The following ANKRD13A variants were observed in gnomAD, a reference collection of about 807,000 sequenced individuals.
ANKRD13A encodes ankyrin repeat domain 13A.
Under a neutral mutation model 81.3 loss-of-function variants are expected in ANKRD13A, and 48 were observed. The ratio of observed to expected loss-of-function variants is 0.59; its 90% confidence interval spans 0.47 to 0.75. ANKRD13A has a LOEUF of 0.75. Ranked by LOEUF, ANKRD13A falls within the 30% of genes least tolerant of loss-of-function variation. The probability of loss-of-function intolerance (pLI) is 0.00; values close to 1 mark genes in which losing one functional copy is unlikely to be tolerated. For synonymous variants in ANKRD13A, 230 were observed against 270.1 expected (o/e 0.85, Z 1.45); for missense variants, 612 against 734.0 (o/e 0.83, Z 1.92).
intron 3 of ANKRD13A, among the ~76,000 whole-genome samples, chr12:110,015,029 GC>G (rs1316779398): frequency 6.6e-6 from 1 of 152,122 alleles, no homozygotes; most frequent in Non-Finnish European, 1.5e-5. Context: ...GCCCGCCTCG[GC>G]CTCCCAAAGT....
chr12:110,025,868 T>C, intron 8 of ANKRD13A, 45 bp downstream of exon 8: 1 of 1,562,198 alleles, frequency 6.4e-7, no homozygotes, highest in East Asian at 2.2e-5. Flanking sequence ...TGTTATTTTT[T>C]AAGCCTAGAG....
intron 1 of ANKRD13A, among the ~76,000 whole-genome samples, chr12:110,001,882 CTTTTCT>C (rs927510298): frequency 2.0e-5 from 3 of 152,166 alleles, no homozygotes; most frequent in Admixed American, 2.0e-4. Flanking sequence ...CATTTAATTC[CTTTTCT>C]ATTACTAGAC....
At chr12:110,003,551 T>C (rs1890088981) in intron 1 of ANKRD13A, among the ~76,000 whole-genome samples, 1 of 152,168 alleles carries the variant, frequency 6.6e-6, no homozygotes, top group South Asian at 2.1e-4. Flanking sequence ...GGTGGTTGTC[T>C]GTGTTGAGAG....
Position 109,999,663 on chromosome 12 carries a change from G to A in ANKRD13A, c.-26G>A. 2 of 1,504,568 alleles carry A rather than the reference G, an allele frequency of 1.3e-6. No individual in the cohort carries two copies. The highest frequency in any genetic ancestry group is 1.8e-6 in the Non-Finnish European group (2 of 1,124,094). 93.2% of individuals were successfully genotyped at this position (1,504,568 alleles called of 1,614,324 possible). ...GGGGCCGAGACTTGGGGCGGGCGAC[G>A]AGGACCAGGTTACGGCCTCCTCGCC... On this transcript the variant is annotated 5_prime_UTR_variant, in exon 1 of 15. Transcript: ENST00000261739. This position sits in a 1 kb window ranked among gnomAD's most constrained non-coding sequence, Gnocchi z 4.3.
intron 1 of ANKRD13A, among the ~76,000 whole-genome samples, chr12:110,004,449 C>T (rs915499701): frequency 1.3e-5 from 2 of 151,766 alleles, no homozygotes; most frequent in African/African-American, 4.8e-5. Context: ...AACCCCGTCT[C>T]TACTAAAAAT....
In ANKRD13A at chr12:109,999,490, G is replaced by T. The variant is rs1889821122; in HGVS notation, c.-199G>T. 7.0e-6 allele frequency: 2 copies of T among 283,970 alleles called. No individual in the cohort carries two copies. The highest frequency in any genetic ancestry group is 1.1e-4 in the Admixed American group (2 of 18,976). The allele number at this position is 283,970 out of a possible 1,614,324, so 17.6% of individuals were successfully genotyped here. A position where few individuals can be genotyped will look rare whatever the true frequency, so the allele number is the denominator to read the frequency against. ...ACGCCGCGGGGCGCGGGGTGGGCGC[G>T]GCCGACCTGGTCCCTGAGCCGGCCG... On this transcript the variant is annotated 5_prime_UTR_variant, in exon 1 of 15. Transcript: ENST00000261739. This position sits in a 1 kb window ranked among gnomAD's most constrained non-coding sequence, Gnocchi z 4.3.
intron 12 of ANKRD13A, among the ~76,000 whole-genome samples, chr12:110,033,055 CTTTTTT>C (rs1195852066): frequency 7.7e-6 from 1 of 130,478 alleles, no homozygotes; most frequent in African/African-American, 2.8e-5. Flanking sequence ...TTTTCTTTTT[CTTTTTT>C]TTTTTTTTTT....
chr12:110,023,857 G>T, intron 6 of ANKRD13A, 189 bp from the exon 7 acceptor site: 1 of 540,286 alleles, frequency 1.9e-6, no homozygotes. Context: ...ATTAATAACT[G>T]TGGGAGGAGG....
At chr12:110,021,344 G>C (rs917930540) in intron 6 of ANKRD13A, 1 of 215,034 alleles carries the variant, frequency 4.7e-6, no homozygotes, top group African/African-American at 2.3e-5. Context: ...TCTGATCAGA[G>C]GTGTGAGTAT....
At chr12:110,006,815 C>T (rs1441587678) in intron 1 of ANKRD13A, among the ~76,000 whole-genome samples, 4 of 152,074 alleles carry the variant, frequency 2.6e-5, no homozygotes, top group African/African-American at 7.2e-5. Flanking sequence ...AGGCTGATCT[C>T]GAACTCCCTA....
At chr12:110,024,188 T>G (rs1482545261) in intron 7 of ANKRD13A, 76 bp downstream of exon 7, 1 of 1,309,546 alleles carries the variant, frequency 7.6e-7, no homozygotes. Context: ...GTTCCCATTT[T>G]TTTCATGCAT....
chr12:110,008,004 T>C (rs1890325610), intron 1 of ANKRD13A, among the ~76,000 whole-genome samples: 1 of 152,242 alleles, frequency 6.6e-6, no homozygotes, highest in Non-Finnish European at 1.5e-5. Flanking sequence ...CTTGCCCAGT[T>C]GCCATGACTA....
chr12:110,030,081 A>G (rs1013702072), intron 11 of ANKRD13A, among the ~76,000 whole-genome samples: 3 of 152,142 alleles, frequency 2.0e-5, no homozygotes, highest in Non-Finnish European at 4.4e-5. Flanking sequence ...GAAGAGTATT[A>G]ATTTTGGATA....
chr12:110,008,470 A>T (rs1237887719), intron 1 of ANKRD13A, among the ~76,000 whole-genome samples: 1 of 152,124 alleles, frequency 6.6e-6, no homozygotes, highest in Non-Finnish European at 1.5e-5. Context: ...TTTTCTTGTG[A>T]CGCATTTGTC....
At position 110,027,999 on chromosome 12, in the gene ANKRD13A, T is replaced by C. The variant is rs922869841; in HGVS notation, c.945+233T>C. ...TTATAGAAATCAGGTGCTTTCCCTCTTATCCATTATAAACGAGGGGCCTCT... is the reference window on the plus strand; with the variant it reads ...TTATAGAAATCAGGTGCTTTCCCTCCTATCCATTATAAACGAGGGGCCTCT... On this transcript the variant is annotated intron_variant, in intron 9 of 14. Coordinates refer to ENST00000261739, the MANE Select transcript of ANKRD13A (RefSeq NM_033121.2). The C allele has an allele frequency of 4.5e-5, 24 of 532,236 alleles. No individual in the cohort carries two copies. In the South Asian group the frequency reaches 5.4e-4, roughly 12 times the overall value. 33.0% of individuals were successfully genotyped at this position (532,236 alleles called of 1,614,324 possible). A position where few individuals can be genotyped will look rare whatever the true frequency, so the allele number is the denominator to read the frequency against.
chr12:110,030,987 C>G (rs977531176), intron 12 of ANKRD13A, among the ~76,000 whole-genome samples: 1 of 151,646 alleles, frequency 6.6e-6, no homozygotes, highest in Non-Finnish European at 1.5e-5. Flanking sequence ...CCCAGCTACT[C>G]GAGAGGCTGA....
At chr12:110,022,051 G>A (rs762672750) in intron 6 of ANKRD13A, 1 of 151,940 alleles carries the variant, frequency 6.6e-6, no homozygotes, top group East Asian at 1.9e-4. Flanking sequence ...TATCATCTTC[G>A]GATGCTTTTG....
chr12:110,001,401 C>T (rs911139506), intron 1 of ANKRD13A, among the ~76,000 whole-genome samples: 20 of 148,058 alleles, frequency 1.4e-4, no homozygotes, highest in Admixed American at 5.3e-4. Flanking sequence ...GAGCCCTCAC[C>T]GAAGTCCAAA....
intron 13 of ANKRD13A, among the ~76,000 whole-genome samples, chr12:110,034,871 T>A (rs1388242245): frequency 6.6e-6 from 1 of 152,236 alleles, no homozygotes; most frequent in African/African-American, 2.4e-5. Context: ...CCAGGCTCTG[T>A]GCCAGGTGCT....
Sources: gnomAD v4.1 joint callset for allele counts (sites outside exome capture counted in the v4.1 genomes callset) on GRCh38, gnomAD v4.1.1 for gene constraint, Gnocchi (gnomAD v3.1) non-coding constraint, MANE v1.5 for transcripts, NCBI Gene and HGNC (gene_info 2026-07-23, HGNC 2026-07-21) for gene names.